C2orf66: variants seen among roughly 807,000 people sequenced by gnomAD.
C2orf66 encodes the protein chromosome 2 open reading frame 66.
C2orf66 carries 6 observed loss-of-function variants against 7.0 expected under a neutral mutation model. The observed-to-expected ratio is 0.86, with a 90% confidence interval of 0.47 to 1.69. C2orf66 has a LOEUF of 1.69. C2orf66 is among the 40% of genes most tolerant of loss of function. The pLI is 0.01. For synonymous variants in C2orf66, 38 were observed against 43.8 expected (o/e 0.87, Z 0.52); for missense variants, 107 against 112.0 (o/e 0.96, Z 0.20).
chr2:196,808,884 A>G (rs1045467840), intron 1 of C2orf66, among the ~76,000 whole-genome samples: 6 of 152,192 alleles, frequency 3.9e-5, no homozygotes, highest in African/African-American at 1.4e-4. Context: ...ATTCCCTGTT[A>G]CACTCTTTAT....
At chr2:196,817,571 AAAC>A in the C2orf66 span, among the ~76,000 whole-genome samples, 589 of 152,122 alleles carry the variant, frequency 3.9e-3, 4 homozygotes, top group Non-Finnish European at 6.5e-3. Context: ...AAACAACAGA[AAAC>A]AGGGTTTGAG....
chr2:196,828,695 G>C, the C2orf66 span, among the ~76,000 whole-genome samples: 1 of 152,216 alleles, frequency 6.6e-6, no homozygotes, highest in Non-Finnish European at 1.5e-5. Context: ...GTCAGTGACA[G>C]AGGAAGTCAA....
chr2:196,807,420 T>C lies in C2orf66; in HGVS notation c.*19+4A>G. On this transcript the variant is annotated splice_donor_region_variant and intron_variant, in intron 2 of 2. Transcript: ENST00000342506. ...CAGATCCAGAATAAAGGGCCAACTT[T>C]TACCTGAGCTCAGAAGAAACTTTCA... 1.3e-6 allele frequency: 2 copies of C among 1,586,744 alleles called. No homozygotes were observed. The highest frequency in any genetic ancestry group is 1.7e-6 in the Non-Finnish European group (2 of 1,166,666).
At chr2:196,814,483 G>A in the C2orf66 span, among the ~76,000 whole-genome samples, 1 of 151,974 alleles carries the variant, frequency 6.6e-6, no homozygotes, top group Admixed American at 6.6e-5. Context: ...ATGACGAGTT[G>A]ATGAGTGCAA....
chr2:196,816,924 T>C, the C2orf66 span, among the ~76,000 whole-genome samples: 2 of 152,136 alleles, frequency 1.3e-5, no homozygotes, highest in African/African-American at 4.8e-5. Context: ...GAGAGGAATT[T>C]TACAGCTGGG....
the C2orf66 span, among the ~76,000 whole-genome samples, chr2:196,823,459 C>CA: frequency 2.6e-5 from 4 of 151,254 alleles, no homozygotes; most frequent in Admixed American, 6.6e-5. Flanking sequence ...CCTGCCTCTG[C>CA]AAAAAAATAG....
chr2:196,816,041 T>C, the C2orf66 span, among the ~76,000 whole-genome samples: 1 of 152,296 alleles, frequency 6.6e-6, no homozygotes, highest in African/African-American at 2.4e-5. Flanking sequence ...CTGCTTTTTT[T>C]GTGTGTGACA....
At chr2:196,825,004 A>T in the C2orf66 span, among the ~76,000 whole-genome samples, 1 of 152,026 alleles carries the variant, frequency 6.6e-6, no homozygotes, top group East Asian at 1.9e-4. Context: ...GAGGCTGAGG[A>T]GGGCGGATCA....
At chr2:196,816,308 G>A in the C2orf66 span, among the ~76,000 whole-genome samples, 1 of 152,170 alleles carries the variant, frequency 6.6e-6, no homozygotes, top group Non-Finnish European at 1.5e-5. Flanking sequence ...TAGGGGCTTA[G>A]AGTCAAACGA....
the C2orf66 span, among the ~76,000 whole-genome samples, chr2:196,830,422 G>T: frequency 1.3e-5 from 2 of 152,200 alleles, no homozygotes; most frequent in African/African-American, 4.8e-5. Flanking sequence ...ATGAAGAACA[G>T]CTCTCCTAAT....
At chr2:196,821,183 G>C in the C2orf66 span, among the ~76,000 whole-genome samples, 1 of 152,166 alleles carries the variant, frequency 6.6e-6, no homozygotes, top group Non-Finnish European at 1.5e-5. Context: ...AAGAGGAAGG[G>C]AACAAGTCCT....
chr2:196,828,677 G>T, the C2orf66 span, among the ~76,000 whole-genome samples: 4 of 152,132 alleles, frequency 2.6e-5, no homozygotes, highest in Admixed American at 2.6e-4. Context: ...CTAAATCTGG[G>T]TCTAAAGGTC....
At chr2:196,818,163 C>T in the C2orf66 span, among the ~76,000 whole-genome samples, 1 of 152,234 alleles carries the variant, frequency 6.6e-6, no homozygotes, top group Admixed American at 6.5e-5. Flanking sequence ...GCGGCTCCAG[C>T]CAGTCCCTCC....
At chr2:196,828,367 G>T in the C2orf66 span, among the ~76,000 whole-genome samples, 1 of 151,822 alleles carries the variant, frequency 6.6e-6, no homozygotes, top group Admixed American at 6.6e-5. Flanking sequence ...AACATTTTAT[G>T]TTTAATTCAT....
chr2:196,830,616 C>T, the C2orf66 span, among the ~76,000 whole-genome samples: 1 of 152,316 alleles, frequency 6.6e-6, no homozygotes, highest in African/African-American at 2.4e-5. Context: ...CCAATTTTTC[C>T]TTGTCCCATG....
the C2orf66 span, among the ~76,000 whole-genome samples, chr2:196,827,009 C>T: frequency 1.7e-4 from 26 of 151,734 alleles, no homozygotes; most frequent in Admixed American, 1.4e-3. Context: ...CTAGCCTTGA[C>T]GACAGAGGGA....
chr2:196,809,476 A>T, upstream of C2orf66: 1 of 1,219,690 alleles, frequency 8.2e-7, no homozygotes, highest in East Asian at 2.3e-5. Context: ...GGTTTATCTA[A>T]GTTTTACAGC....
upstream of C2orf66, chr2:196,809,520 C>T: frequency 1.4e-6 from 1 of 727,826 alleles, no homozygotes; most frequent in Admixed American, 2.8e-5. Flanking sequence ...TAAATGAGGA[C>T]CCCAAAATGC....
chr2:196,805,615 T>C (rs1429035572), intron 2 of C2orf66, among the ~76,000 whole-genome samples: 1 of 152,148 alleles, frequency 6.6e-6, no homozygotes, highest in African/African-American at 2.4e-5. Flanking sequence ...ATAATTCCTG[T>C]TCTTTTATGA....
Sources: gnomAD v4.1 joint callset for allele counts (sites outside exome capture counted in the v4.1 genomes callset) on GRCh38, gnomAD v4.1.1 for gene constraint, MANE v1.5 for transcripts, NCBI Gene and HGNC (gene_info 2026-07-23, HGNC 2026-07-21) for gene names.